ATXN7L1: variants seen among roughly 807,000 people sequenced by gnomAD.
ATXN7L1 encodes ataxin-7-like protein 1.
A neutral mutation model predicts 70.8 loss-of-function variants in ATXN7L1; 15 were observed. That is an observed-to-expected ratio of 0.21 (90% CI 0.14 to 0.33). ATXN7L1 has a LOEUF of 0.33. Ranked by LOEUF, ATXN7L1 falls within the 10% of genes least tolerant of loss-of-function variation. The pLI is 1.00. For synonymous variants in ATXN7L1, 440 were observed against 445.1 expected, an observed-to-expected ratio of 0.99 and a Z score of 0.14; for missense variants, 975 against 1,097.1, an observed-to-expected ratio of 0.89 and a Z score of 1.57.
rs1159804956 is a variant in ATXN7L1 at position 105,614,678 on chromosome 7, G to A, written c.1656C>T (p.Leu552=). ...YLPSAPISSR[L]TSSYIMTSAM... ...CTGATGTCATTATGTAAGAAGAGGT[G>A]AGCCTCGAGCTGATGGGAGCTGAAG... The change falls in exon 10 of 12, where the codon CTC becomes CTT. Residue 552 remains leucine, a synonymous_variant. Coordinates refer to ENST00000419735, the MANE Select transcript of ATXN7L1 (RefSeq NM_020725.2). This position sits in a 1 kb window ranked among gnomAD's most constrained non-coding sequence, Gnocchi z 4.3. The A allele has an allele frequency of 2.6e-6, 4 of 1,551,730 alleles. No individual in the cohort carries two copies. The highest frequency in any genetic ancestry group is 1.2e-5 in the South Asian group (1 of 84,052).
At chr7:105,694,969 T>A (rs1225650777) in intron 3 of ATXN7L1, among the ~76,000 whole-genome samples, 1 of 152,216 alleles carries the variant, frequency 6.6e-6, no homozygotes, top group East Asian at 1.9e-4. Flanking sequence ...CCAGCCAACA[T>A]GCTGAAACCT....
At chr7:105,637,382 T>C (rs746838194) in intron 7 of ATXN7L1, among the ~76,000 whole-genome samples, 1 of 152,262 alleles carries the variant, frequency 6.6e-6, no homozygotes, top group African/African-American at 2.4e-5. Context: ...AGATTCACAC[T>C]GTATGCATAA....
intron 3 of ATXN7L1, among the ~76,000 whole-genome samples, chr7:105,715,759 C>CTT (rs1794460387): frequency 6.6e-6 from 1 of 152,216 alleles, no homozygotes; most frequent in Admixed American, 6.5e-5. Context: ...AGTGTATCCC[C>CTT]ACTGCAAACC....
intron 2 of ATXN7L1, among the ~76,000 whole-genome samples, chr7:105,851,349 C>T (rs750956286): frequency 1.3e-5 from 2 of 152,212 alleles, no homozygotes; most frequent in African/African-American, 4.8e-5. Flanking sequence ...CCTGCACCAT[C>T]GAGTTCCTCG....
intron 3 of ATXN7L1, among the ~76,000 whole-genome samples, chr7:105,727,067 C>A (rs497105): frequency 0.3 from 45,182 of 152,074 alleles, 7,468 homozygotes; most frequent in East Asian, 0.45. Flanking sequence ...CTTCTGTGTC[C>A]CATGCAGTCA....
chr7:105,726,707 T>A (rs1329380040), intron 3 of ATXN7L1, among the ~76,000 whole-genome samples: 1 of 152,168 alleles, frequency 6.6e-6, no homozygotes, highest in Non-Finnish European at 1.5e-5. Flanking sequence ...AATGAACTCA[T>A]GAGCTTCCTA....
chr7:105,699,290 G>A (rs1021585867), intron 3 of ATXN7L1, among the ~76,000 whole-genome samples: 1 of 152,048 alleles, frequency 6.6e-6, no homozygotes, highest in African/African-American at 2.4e-5. Flanking sequence ...GCACCATCAC[G>A]CCCAGCTAAT....
chr7:105,864,456 CAA>C (rs34739253), intron 2 of ATXN7L1, among the ~76,000 whole-genome samples: 552 of 41,052 alleles, frequency 0.013, 1 homozygote, highest in Middle Eastern at 0.048. Context: ...GGCCCTGTCT[CAA>C]AAAAAAAAAA....
chr7:105,733,521 T>TCCAC (rs1796832624), intron 3 of ATXN7L1, among the ~76,000 whole-genome samples: 2 of 116,030 alleles, frequency 1.7e-5, no homozygotes, highest in African/African-American at 3.7e-5. Flanking sequence ...CATCCACCCA[T>TCCAC]CCATCCATCC....
intron 7 of ATXN7L1, among the ~76,000 whole-genome samples, chr7:105,627,526 G>A (rs374015773): frequency 1.4e-5 from 2 of 141,050 alleles, no homozygotes; most frequent in East Asian, 4.4e-4. Context: ...GTGAGCCACT[G>A]TGCTAGGCCT....
intron 7 of ATXN7L1, among the ~76,000 whole-genome samples, chr7:105,632,921 T>A (rs1325693047): frequency 3.0e-4 from 18 of 60,060 alleles, no homozygotes; most frequent in African/African-American, 4.3e-4. Flanking sequence ...ATCTTGTCTT[T>A]AAAAAAAAAA....
intron 9 of ATXN7L1, among the ~76,000 whole-genome samples, chr7:105,617,392 A>G (rs1410790148): frequency 6.6e-6 from 1 of 152,208 alleles, no homozygotes; most frequent in Non-Finnish European, 1.5e-5. Context: ...TCACACTTCA[A>G]CTTGTGCTGA....
chr7:105,711,687 T>C (rs1793931402), intron 3 of ATXN7L1, among the ~76,000 whole-genome samples: 1 of 152,252 alleles, frequency 6.6e-6, no homozygotes, highest in South Asian at 2.1e-4. Flanking sequence ...CTGGTGACTC[T>C]GCAGGGTACA....
At chr7:105,631,455 C>T (rs1008468906) in intron 7 of ATXN7L1, among the ~76,000 whole-genome samples, 1 of 152,172 alleles carries the variant, frequency 6.6e-6, no homozygotes, top group Non-Finnish European at 1.5e-5. Context: ...CCATTTCTGC[C>T]AGGACACCCT....
At chr7:105,668,407 T>C (rs1802985698) in intron 3 of ATXN7L1, among the ~76,000 whole-genome samples, 1 of 152,094 alleles carries the variant, frequency 6.6e-6, no homozygotes. Context: ...CTAATTAATA[T>C]GATCTTTTGA....
At chr7:105,778,522 A>C (rs10238891) in intron 3 of ATXN7L1, among the ~76,000 whole-genome samples, 8 of 130,074 alleles carry the variant, frequency 6.2e-5, no homozygotes, top group South Asian at 4.3e-4. Context: ...AAAAAAAAAA[A>C]AAAAAAAAAA....
chr7:105,764,832 C>T (rs1801033665), intron 3 of ATXN7L1, among the ~76,000 whole-genome samples: 1 of 151,680 alleles, frequency 6.6e-6, no homozygotes, highest in East Asian at 1.9e-4. Flanking sequence ...AAAATAGTAA[C>T]CTTTCTAAAG....
At chr7:105,765,035 T>G (rs1801059409) in intron 3 of ATXN7L1, among the ~76,000 whole-genome samples, 1 of 152,122 alleles carries the variant, frequency 6.6e-6, no homozygotes, top group Admixed American at 6.6e-5. Flanking sequence ...TCTTGCCACC[T>G]CTCTTAAAAT....
intron 3 of ATXN7L1, among the ~76,000 whole-genome samples, chr7:105,697,973 G>A (rs1004157422): frequency 6.6e-6 from 1 of 152,176 alleles, no homozygotes. Flanking sequence ...GACGAGCACT[G>A]TCTTTATACA....
Sources: allele counts gnomAD v4.1 joint callset (sites outside exome capture counted in the v4.1 genomes callset), GRCh38; gene constraint gnomAD v4.1.1; non-coding constraint Gnocchi (gnomAD v3.1); transcripts MANE v1.5; gene names NCBI Gene and HGNC (gene_info 2026-07-23, HGNC 2026-07-21).